SETBP1: variants seen among roughly 807,000 people sequenced by gnomAD.
The protein encoded by SETBP1 is SET-binding protein.
A neutral mutation model predicts 101.0 loss-of-function variants in SETBP1; 9 were observed. The observed-to-expected ratio is 0.09, with a 90% CI of 0.05 to 0.16. The LOEUF is 0.16. SETBP1 is among the 10% of genes least tolerant of loss of function. SETBP1 has a pLI of 1.00. For missense variants in SETBP1, 1,858 were observed against 2,033.8 expected, an observed-to-expected ratio of 0.91 and a Z score of 1.66; for synonymous variants, 818 against 788.5, an observed-to-expected ratio of 1.04 and a Z score of -0.63.
intron 4 of SETBP1, among the ~76,000 whole-genome samples, chr18:44,985,610 TCTTAA>T (rs2072214239): frequency 1.3e-5 from 2 of 152,232 alleles, no homozygotes; most frequent in Admixed American, 6.5e-5. Flanking sequence ...TTTTAAATGT[TCTTAA>T]CTTAAATCTA....
At chr18:44,785,447 T>C (rs1243158542) in intron 2 of SETBP1, among the ~76,000 whole-genome samples, 9 of 152,222 alleles carry the variant, frequency 5.9e-5, no homozygotes, top group Admixed American at 5.9e-4. Context: ...CTAGATTACC[T>C]CTTAATTGTA....
At chr18:45,060,099 G>A (rs2073868803) in intron 5 of SETBP1, among the ~76,000 whole-genome samples, 1 of 152,142 alleles carries the variant, frequency 6.6e-6, no homozygotes, top group African/African-American at 2.4e-5. Context: ...TTTATGTGTA[G>A]TTTATTCATT....
In SETBP1 at chr18:44,760,079, G is replaced by A. The variant is rs563394177; in HGVS notation, c.486+58247G>A. Among the ~76,000 whole-genome samples, 4 of 152,280 alleles carry A rather than the reference G, an allele frequency of 2.6e-5. No individual in the cohort carries two copies. In the South Asian group the frequency reaches 8.3e-4, roughly 32 times the overall value. On this transcript the variant is annotated intron_variant, in intron 2 of 5. Transcript: ENST00000649279. ...GGTGGAGGCTCTTGTTACAATAGCT[G>A]TAACAGTACTAGGGTAATACATGTC...
intron 2 of SETBP1, among the ~76,000 whole-genome samples, chr18:44,714,195 T>A (rs1485320984): frequency 2.0e-5 from 3 of 152,156 alleles, no homozygotes; most frequent in African/African-American, 7.2e-5. Context: ...AACAAGTTCT[T>A]CTTAGGTCTC....
chr18:44,889,633 C>T (rs1365658878), intron 3 of SETBP1, among the ~76,000 whole-genome samples: 1 of 152,144 alleles, frequency 6.6e-6, no homozygotes, highest in African/African-American at 2.4e-5. Flanking sequence ...ACAATTGTTG[C>T]ATTCTGCTGC....
intron 2 of SETBP1, among the ~76,000 whole-genome samples, chr18:44,810,205 A>G (rs558924066): frequency 2.6e-5 from 4 of 152,348 alleles, no homozygotes; most frequent in Middle Eastern, 6.8e-3. Context: ...AACAGGCAGC[A>G]AAGGACAAGG....
intron 3 of SETBP1, among the ~76,000 whole-genome samples, chr18:44,885,144 G>A: frequency 6.6e-6 from 1 of 152,102 alleles, no homozygotes; most frequent in Non-Finnish European, 1.5e-5. Context: ...TAGACCTGAA[G>A]TTGTCATTAC....
intron 5 of SETBP1, among the ~76,000 whole-genome samples, chr18:45,051,080 T>C (rs2073712839): frequency 1.3e-5 from 2 of 152,196 alleles, no homozygotes; most frequent in East Asian, 3.9e-4. Context: ...ATCCAGGCCC[T>C]TATTTATATG....
Position 44,925,024 on chromosome 18 carries a change from T to G in SETBP1, c.541-24857T>G, listed in dbSNP as rs1190734262. On this transcript the variant is annotated intron_variant, in intron 3 of 5. Transcript: ENST00000649279. Reference sequence around the variant, plus strand: ...CTGTGTGAGTTTTTTTTTTTTTTTTTTTTTTTTTTTTCACGAGAATGAGCT... The same window carrying G: ...CTGTGTGAGTTTTTTTTTTTTTTTTGTTTTTTTTTTTCACGAGAATGAGCT... Among the ~76,000 whole-genome samples the G allele has an allele frequency of 7.5e-4, 110 of 147,522 alleles. 4 individuals are homozygous for G. Among genetic ancestry groups the G allele is most frequent in the Admixed American group, 3.6e-3 (52 of 14,610 alleles).
chr18:44,878,108 G>C (rs2069450576), intron 3 of SETBP1, among the ~76,000 whole-genome samples: 1 of 152,106 alleles, frequency 6.6e-6, no homozygotes, highest in Admixed American at 6.5e-5. Flanking sequence ...AGTCATCCCT[G>C]CTAGTATATT....
At chr18:45,005,068 A>G (rs2072696766) in intron 4 of SETBP1, among the ~76,000 whole-genome samples, 1 of 152,200 alleles carries the variant, frequency 6.6e-6, no homozygotes, top group African/African-American at 2.4e-5. Flanking sequence ...GCAGCATCTC[A>G]GTGAAGGAAT....
At chr18:44,875,617 T>C (rs1468122488) in intron 3 of SETBP1, among the ~76,000 whole-genome samples, 3 of 151,838 alleles carry the variant, frequency 2.0e-5, no homozygotes, top group Admixed American at 1.3e-4. Context: ...AACTGGAGTT[T>C]GTGGTAATGC....
chr18:44,730,159 G>T (rs966139120), intron 2 of SETBP1, among the ~76,000 whole-genome samples: 1 of 152,164 alleles, frequency 6.6e-6, no homozygotes, highest in Non-Finnish European at 1.5e-5. Context: ...TATTGAATAC[G>T]ACTTGCTTTA....
At chr18:45,046,799 T>C (rs1322151632) in intron 5 of SETBP1, among the ~76,000 whole-genome samples, 2 of 152,184 alleles carry the variant, frequency 1.3e-5, no homozygotes, top group Non-Finnish European at 2.9e-5. Context: ...AACCTTGGGA[T>C]GTATGGAATG....
intron 4 of SETBP1, among the ~76,000 whole-genome samples, chr18:45,023,117 A>G (rs530243080): frequency 6.6e-6 from 1 of 152,236 alleles, no homozygotes; most frequent in African/African-American, 2.4e-5. Context: ...AAAAATTATC[A>G]TACTGGTTGC....
intron 2 of SETBP1, among the ~76,000 whole-genome samples, chr18:44,841,897 A>G (rs1010843999): frequency 6.6e-6 from 1 of 152,232 alleles, no homozygotes; most frequent in African/African-American, 2.4e-5. Context: ...AGCACATCAT[A>G]TAATTTTCCC....
chr18:44,947,180 G>C (rs1404272082), intron 3 of SETBP1, among the ~76,000 whole-genome samples: 2 of 152,108 alleles, frequency 1.3e-5, no homozygotes, highest in East Asian at 3.9e-4. Flanking sequence ...TAAGTTACAT[G>C]GTTTCATGAA....
chr18:45,035,980 C>A (rs1364060431), intron 4 of SETBP1, among the ~76,000 whole-genome samples: 1 of 152,146 alleles, frequency 6.6e-6, no homozygotes, highest in African/African-American at 2.4e-5. Context: ...TGTTTGTTTT[C>A]TGAAAGGAAT....
intron 1 of SETBP1, 101 bp from the exon 2 acceptor site, chr18:44,701,074 G>T: frequency 2.9e-6 from 1 of 349,848 alleles, no homozygotes; most frequent in Non-Finnish European, 5.2e-6. Flanking sequence ...CTTTTTTCCG[G>T]ATGCCATAGA....
Sources: allele counts gnomAD v4.1 joint callset (sites outside exome capture counted in the v4.1 genomes callset), GRCh38; gene constraint gnomAD v4.1.1; transcripts MANE v1.5; gene names NCBI Gene and HGNC (gene_info 2026-07-23, HGNC 2026-07-21).